Variants in ARSL observed in about 807,000 individuals in gnomAD.
ARSL encodes arylsulfatase L.
A neutral mutation model predicts 31.1 loss-of-function variants in ARSL; 4 were observed. The observed-to-expected ratio is 0.13, with a 90% CI of 0.06 to 0.29. The LOEUF is 0.29. Among genes scored for constraint, ARSL ranks in the 10% least tolerant of loss-of-function variants. The pLI, the probability that ARSL is intolerant of heterozygous loss-of-function variation, is 1.00. For synonymous variants in ARSL, 198 were observed against 209.9 expected (o/e 0.94, Z 0.49); for missense variants, 312 against 497.8 (o/e 0.63, Z 3.55).
chrX:2,958,536 C>T, intron 2 of ARSL, 101 bp from the exon 3 acceptor site: 1 of 950,891 alleles, frequency 1.1e-6, no homozygotes, highest in African/African-American at 1.9e-5. Context: ...ATTATCATCA[C>T]ATTTCAGAAT....
At chrX:2,968,058 G>A, upstream of ARSL, 1 of 1,030,161 alleles carries the variant, frequency 9.7e-7, no homozygotes. Flanking sequence ...TGTTTGAAAA[G>A]ACGCAGTTTA....
chrX:2,940,349 G>C (rs759350143), intron 8 of ARSL, among the ~76,000 whole-genome samples: 1 of 110,813 alleles, frequency 9.0e-6, no homozygotes, highest in African/African-American at 3.3e-5. Context: ...TAAATGTCTA[G>C]AGTAGGAAAA....
chrX:2,939,787 C>T (rs1003961793), intron 8 of ARSL, among the ~76,000 whole-genome samples: 27 of 107,496 alleles, frequency 2.5e-4, no homozygotes, highest in African/African-American at 8.9e-4. Flanking sequence ...TTGTGGTACA[C>T]GAAAGAATGG....
At chrX:2,960,543 A>G in intron 1 of ARSL, 123 bp from the exon 2 acceptor site, 1 of 640,774 alleles carries the variant, frequency 1.6e-6, no homozygotes, top group Non-Finnish European at 2.4e-6. Context: ...TAGCAAAAAT[A>G]TCTTAAAACA....
intron 10 of ARSL, 114 bp from the exon 11 acceptor site, chrX:2,935,304 T>A: frequency 3.0e-6 from 2 of 671,229 alleles, no homozygotes; most frequent in Non-Finnish European, 4.7e-6. Context: ...CATCGATGGA[T>A]GGACAGATAA....
chrX:2,955,671 A>G, intron 3 of ARSL, 134 bp from the exon 4 acceptor site: 2 of 746,913 alleles, frequency 2.7e-6, no homozygotes, highest in Non-Finnish European at 4.0e-6. Context: ...AATGACCCAA[A>G]GGTAATGTCA....
chrX:2,968,186 G>A (rs762978547), upstream of ARSL: 68 of 1,154,434 alleles, frequency 5.9e-5, no homozygotes, highest in Non-Finnish European at 6.8e-5. Flanking sequence ...CTGGCTGGAT[G>A]TAGCGGGGAG....
At chrX:2,960,846 ATTT>A (rs1252800791) in intron 1 of ARSL, among the ~76,000 whole-genome samples, 1 of 111,277 alleles carries the variant, frequency 9.0e-6, no homozygotes, top group African/African-American at 3.3e-5. Flanking sequence ...GAGAGTCCTG[ATTT>A]GGAAGGGGGA....
At chrX:2,944,072 G>A (rs1405745177) in intron 7 of ARSL, among the ~76,000 whole-genome samples, 2 of 110,770 alleles carry the variant, frequency 1.8e-5, no homozygotes, top group African/African-American at 6.6e-5. Context: ...CCAGGTACTT[G>A]GGAGGCTGAG....
chrX:2,937,133 C>T (rs1018416729), intron 9 of ARSL, among the ~76,000 whole-genome samples: 5 of 112,057 alleles, frequency 4.5e-5, no homozygotes, highest in Admixed American at 3.8e-4. Context: ...GTGGCTCGTG[C>T]GTGTAATCCC....
intron 1 of ARSL, 115 bp from the exon 2 acceptor site, chrX:2,960,535 G>T: frequency 1.5e-6 from 1 of 685,271 alleles, no homozygotes; most frequent in South Asian, 2.7e-5. Context: ...GATATCAATA[G>T]CAAAAATATC....
chrX:2,935,692 C>CTTTTTTTTTTTTTTT (rs61012417), intron 10 of ARSL, among the ~76,000 whole-genome samples: 1 of 40,370 alleles, frequency 2.5e-5, no homozygotes, highest in Non-Finnish European at 7.1e-5. Flanking sequence ...CTTTTCTTTT[C>CTTTTTTTTTTTTTTT]TTTTTTTTTT....
chrX:2,942,477 A>C (rs1358082867), intron 8 of ARSL, among the ~76,000 whole-genome samples: 1 of 110,589 alleles, frequency 9.0e-6, no homozygotes, highest in Admixed American at 9.7e-5. Context: ...TTTTTAGTAG[A>C]GGCGAGGTTT....
chrX:2,938,696 G>A (rs1226638645), intron 8 of ARSL, among the ~76,000 whole-genome samples: 1 of 110,297 alleles, frequency 9.1e-6, no homozygotes, highest in African/African-American at 3.3e-5. Context: ...CAACTATAAC[G>A]TATTGAACAG....
chrX:2,968,118 T>A, upstream of ARSL: 1 of 1,155,309 alleles, frequency 8.7e-7, no homozygotes, highest in African/African-American at 1.8e-5. Flanking sequence ...AAAGCCGGCC[T>A]GTAAGAAGAA....
At chrX:2,940,252 AAAC>A (rs2089263713) in intron 8 of ARSL, among the ~76,000 whole-genome samples, 1 of 111,879 alleles carries the variant, frequency 8.9e-6, no homozygotes, top group Non-Finnish European at 1.9e-5. Flanking sequence ...GAAAGGAATG[AAAC>A]ATTTCCACAA....
chrX:2,965,556 A>AAAAAAAATAAGCAG (rs2089692407), upstream of ARSL, among the ~76,000 whole-genome samples: 2 of 104,326 alleles, frequency 1.9e-5, no homozygotes, highest in African/African-American at 7.8e-5. Flanking sequence ...AAAATAAGCA[A>AAAAAAAATAAGCAG]AAAAAAAAGT....
At chrX:2,956,827 C>T (rs1474393681) in intron 3 of ARSL, among the ~76,000 whole-genome samples, 1 of 110,704 alleles carries the variant, frequency 9.0e-6, no homozygotes, top group Non-Finnish European at 1.9e-5. Flanking sequence ...TCACTGCAAC[C>T]TTAAACTCCT....
chrX:2,942,833 A>C (rs754726198), intron 8 of ARSL, among the ~76,000 whole-genome samples: 1 of 111,477 alleles, frequency 9.0e-6, no homozygotes, highest in African/African-American at 3.3e-5. Context: ...CTCCTCTCCC[A>C]GTTCATCTGC....
Sources: gnomAD v4.1 joint callset for allele counts (sites outside exome capture counted in the v4.1 genomes callset) on GRCh38, gnomAD v4.1.1 for gene constraint, MANE v1.5 for transcripts, NCBI Gene and HGNC (gene_info 2026-07-23, HGNC 2026-07-21) for gene names.